PCNP: variants seen among roughly 807,000 people sequenced by gnomAD.
The protein encoded by PCNP is PEST proteolytic signal containing nuclear protein.
In PCNP, 6 loss-of-function variants were observed where a neutral mutation model predicts 21.8. The observed-to-expected ratio is 0.28, with a 90% CI of 0.15 to 0.54. PCNP has a LOEUF of 0.54. Among genes scored for constraint, PCNP ranks in the 20% least tolerant of loss-of-function variants. PCNP has a pLI of 0.95. For missense variants in PCNP, 161 were observed against 215.5 expected (o/e 0.75, Z 1.58); for synonymous variants, 67 against 73.2 (o/e 0.92, Z 0.43).
intron 4 of PCNP, 26 bp downstream of exon 4, chr3:101,590,296 T>C (rs779237713): frequency 1.7e-5 from 20 of 1,177,038 alleles, no homozygotes; most frequent in Non-Finnish European, 2.5e-5. Flanking sequence ...ATAAATATTA[T>C]AGAAAGATAC....
chr3:101,588,491 C>T (rs555226668), intron 3 of PCNP, among the ~76,000 whole-genome samples: 16 of 152,032 alleles, frequency 1.1e-4, no homozygotes, highest in East Asian at 7.7e-4. Flanking sequence ...CACATGTATC[C>T]GAAATCATCT....
At chr3:101,577,918 T>C (rs912813633) in intron 1 of PCNP, among the ~76,000 whole-genome samples, 3 of 152,222 alleles carry the variant, frequency 2.0e-5, no homozygotes, top group Admixed American at 6.5e-5. Context: ...GCTAGTACCA[T>C]GTGTATTTTG....
chr3:101,584,946 A>G (rs1358972092), intron 2 of PCNP, among the ~76,000 whole-genome samples: 1 of 152,200 alleles, frequency 6.6e-6, no homozygotes, highest in African/African-American at 2.4e-5. Flanking sequence ...ATAGGCTGCA[A>G]TGAGCCAAGA....
chr3:101,585,661 A>G (rs926593668), intron 3 of PCNP, 150 bp downstream of exon 3: 18 of 555,688 alleles, frequency 3.2e-5, no homozygotes, highest in Non-Finnish European at 5.4e-5. Context: ...TGGATACTCT[A>G]TTTTTGCATT....
At position 101,592,851 on chromosome 3, in the gene PCNP, T is replaced by A; in HGVS notation, c.*98T>A. On this transcript the variant is annotated 3_prime_UTR_variant, in exon 5 of 5. Transcript: ENST00000265260. ...ATAAGACTATCTTTGGAGCCGCTTT[T>A]TTTTTCTTTTTCATTTTTTTAAAAG... is the stretch of plus-strand genomic sequence containing the variant. 4.6e-6 allele frequency: 5 copies of A among 1,085,386 alleles called. No homozygotes were observed. The highest frequency in any genetic ancestry group is 6.3e-6 in the Non-Finnish European group (5 of 792,172). 67.2% of individuals were successfully genotyped at this position (1,085,386 alleles called of 1,614,324 possible).
intron 3 of PCNP, among the ~76,000 whole-genome samples, chr3:101,587,498 TATAAAG>T (rs957253555): frequency 1.3e-5 from 2 of 152,016 alleles, no homozygotes; most frequent in Admixed American, 6.6e-5. Flanking sequence ...ACTGCGATGT[TATAAAG>T]ATAAATCAGA....
chr3:101,591,266 G>C (rs1935789451), intron 4 of PCNP, among the ~76,000 whole-genome samples: 1 of 152,160 alleles, frequency 6.6e-6, no homozygotes, highest in African/African-American at 2.4e-5. Context: ...GTGCATTAAT[G>C]GATAGCTTAG....
rs1935879684 is a variant in PCNP, at chr3:101,592,753, A to C, written c.537A>C (p.Ter179TyrextTer4). The change falls in exon 5 of 5, where the codon TAA (stop) becomes TAC (tyrosine). Residue 179 changes from the stop codon to tyrosine, a stop_lost. Transcript: ENST00000265260. The stretch of plus-strand genomic sequence containing the variant: ...GAAATGTCCATGACCAAGACAATTA[A>C]ATGATGTTTTGAAATTGGGGTGTGG... ...HLGNVHDQDN[*>Y] The C allele has an allele frequency of 1.9e-6, 3 of 1,610,990 alleles. No homozygotes were observed. The highest frequency in any genetic ancestry group is 1.1e-5 in the South Asian group (1 of 90,330).
At chr3:101,576,969 G>A (rs574026068) in intron 1 of PCNP, 3 of 1,127,040 alleles carry the variant, frequency 2.7e-6, no homozygotes, top group African/African-American at 1.5e-5. Context: ...AAGCGGCGGC[G>A]TGTAGGCCTC....
intron 1 of PCNP, 192 bp from the exon 2 acceptor site, chr3:101,579,598 G>A: frequency 1.4e-6 from 1 of 709,810 alleles, no homozygotes; most frequent in Non-Finnish European, 2.6e-6. Flanking sequence ...GTTAATTCAT[G>A]GGAGCCTCTT....
intron 2 of PCNP, among the ~76,000 whole-genome samples, chr3:101,581,242 A>G (rs2108278139): frequency 6.6e-6 from 1 of 152,226 alleles, no homozygotes; most frequent in African/African-American, 2.4e-5. Context: ...TTTAATATGT[A>G]GTTATAAAAC....
intron 2 of PCNP, 130 bp from the exon 3 acceptor site, chr3:101,585,307 T>C: frequency 1.7e-6 from 1 of 577,860 alleles, no homozygotes; most frequent in South Asian, 2.4e-5. Flanking sequence ...GTCCAAAGTA[T>C]TGGGTTCGTT....
chr3:101,577,339 C>T (rs907958725), intron 1 of PCNP, among the ~76,000 whole-genome samples: 3 of 152,148 alleles, frequency 2.0e-5, no homozygotes, highest in Admixed American at 2.0e-4. Flanking sequence ...ATACCAAGAA[C>T]TGCGTCAATG....
intron 4 of PCNP, 105 bp downstream of exon 4, chr3:101,590,375 CA>C: frequency 1.5e-6 from 1 of 665,210 alleles, no homozygotes. Context: ...TGCATTTGGG[CA>C]GAACAGTTTT....
At chr3:101,576,532 G>A (rs1443274097) in intron 1 of PCNP, 4 of 1,610,660 alleles carry the variant, frequency 2.5e-6, no homozygotes, top group Non-Finnish European at 2.5e-6. Flanking sequence ...ACGGCGGCCA[G>A]TGGTCTTGGT....
intron 1 of PCNP, chr3:101,577,001 AT>A: frequency 1.2e-6 from 1 of 845,814 alleles, no homozygotes. Context: ...CAATTTTTGT[AT>A]TTTTAGTAGA....
chr3:101,580,240 G>A (rs1935153323), intron 2 of PCNP, among the ~76,000 whole-genome samples: 5 of 151,962 alleles, frequency 3.3e-5, no homozygotes, highest in Admixed American at 3.3e-4. Context: ...ACTATTATAG[G>A]GAATATGATT....
intron 3 of PCNP, among the ~76,000 whole-genome samples, chr3:101,586,467 T>C (rs1935512087): frequency 6.6e-6 from 1 of 151,742 alleles, no homozygotes; most frequent in Non-Finnish European, 1.5e-5. Flanking sequence ...CCACTCATGA[T>C]GTGACGTCAT....
In PCNP at chr3:101,593,972, A is replaced by C. The variant is rs1465664917; in HGVS notation, c.*1219A>C. 2 of 152,614 alleles carry C rather than the reference A, an allele frequency of 1.3e-5. No homozygotes were observed. Among genetic ancestry groups the C allele is most frequent in the African/African-American group, 4.8e-5 (2 of 41,434 alleles). The allele number at this position is 152,614 out of a possible 1,614,324, so 9.5% of individuals were successfully genotyped here. ...AACTTTTTTTAAATGTGACAGTTAAACACATCTTTAAAAGCATAGTCACAG... is the reference window on the plus strand; with the variant it reads ...AACTTTTTTTAAATGTGACAGTTAACCACATCTTTAAAAGCATAGTCACAG... On this transcript the variant is annotated 3_prime_UTR_variant, in exon 5 of 5. Transcript: ENST00000265260.
Sources: gnomAD v4.1 joint callset for allele counts (sites outside exome capture counted in the v4.1 genomes callset) on GRCh38, gnomAD v4.1.1 for gene constraint, MANE v1.5 for transcripts, NCBI Gene and HGNC (gene_info 2026-07-23, HGNC 2026-07-21) for gene names.